TNN: variants seen among roughly 807,000 people sequenced by gnomAD.
TNN encodes tenascin N.
A neutral mutation model predicts 134.4 loss-of-function variants in TNN; 122 were observed. The observed-to-expected ratio is 0.91, with a 90% confidence interval of 0.78 to 1.06. The LOEUF (loss-of-function observed/expected upper bound fraction) is 1.06, where lower values mean the gene tolerates loss of function less well. TNN is among the 50% of genes least tolerant of loss of function. TNN has a pLI of 0.00. For synonymous variants in TNN, 710 were observed against 670.3 expected (o/e 1.06, Z -0.91); for missense variants, 1,739 against 1,699.4 (o/e 1.02, Z -0.41).
At chr1:175,091,565 T>TA (rs1558353506) in intron 6 of TNN, among the ~76,000 whole-genome samples, 10 of 142,546 alleles carry the variant, frequency 7.0e-5, no homozygotes, top group African/African-American at 1.0e-4. Flanking sequence ...TTATTTTTAT[T>TA]TATTTATTTA....
At position 175,147,935 on chromosome 1, in the gene TNN, C is replaced by T. The variant is rs542118078; in HGVS notation, c.*864C>T. ...AGCACCGTGAGTCTTACTGTTTGAT[C>T]GGACAGTTAGCAAGATCAGATCCTT... On this transcript the variant is annotated 3_prime_UTR_variant, in exon 19 of 19. Transcript: ENST00000239462. 2.6e-5 allele frequency: 4 copies of T among 152,242 alleles called. No homozygotes were observed. Among genetic ancestry groups the T allele is most frequent in the South Asian group, 2.1e-4 (1 of 4,822 alleles). The allele number at this position is 152,242 out of a possible 1,614,324, so 9.4% of individuals were successfully genotyped here. A position where few individuals can be genotyped will look rare whatever the true frequency, so the allele number is the denominator to read the frequency against.
At chr1:175,085,269 C>A (rs776823573) in intron 5 of TNN, 136 bp from the exon 6 acceptor site, 4 of 637,154 alleles carry the variant, frequency 6.3e-6, no homozygotes, top group Non-Finnish European at 1.1e-5. Context: ...TATTTGCCTG[C>A]AAATACAGAT....
chr1:175,107,877 G>A (rs1333487295), intron 9 of TNN, among the ~76,000 whole-genome samples: 1 of 138,868 alleles, frequency 7.2e-6, no homozygotes, highest in Non-Finnish European at 1.5e-5. Context: ...ACAGAGTGTC[G>A]ATTGGTGCAC....
At chr1:175,098,689 A>T in intron 9 of TNN, 94 bp downstream of exon 9, 2 of 1,561,406 alleles carry the variant, frequency 1.3e-6, no homozygotes, top group Non-Finnish European at 1.7e-6. Flanking sequence ...GGGGGACTTT[A>T]TGGAAGAGCA....
intron 6 of TNN, among the ~76,000 whole-genome samples, chr1:175,093,472 A>C (rs1674498746): frequency 6.6e-6 from 1 of 152,218 alleles, no homozygotes; most frequent in South Asian, 2.1e-4. Flanking sequence ...TGTTCAGTGA[A>C]GTGCTGTTGA....
At position 175,080,281 on chromosome 1, in the gene TNN, G is replaced by C. The variant is rs2149427367; in HGVS notation, c.903G>C (p.Glu301Asp). 1 of 1,614,130 alleles carries C rather than the reference G, an allele frequency of 6.2e-7. No individual in the cohort carries two copies. Among genetic ancestry groups the C allele is most frequent in the Admixed American group, 1.7e-5 (1 of 60,022 alleles). ...TCAGCTACTACCCCCTGGGGAAGGA[G>C]CTCTCTGGGAAGCAGATCCAAGTGC... Reference protein sequence around the residue: ...YLLSYYPLGKELSGKQIQVPK... With the variant: ...YLLSYYPLGKDLSGKQIQVPK... Residue 301 changes from glutamate to aspartate, a missense_variant, in exon 4 of 19, where the codon GAG (glutamate) becomes GAC (aspartate). Glu to Asp is a conservative substitution (Grantham distance 45). Transcript: ENST00000239462.
intron 11 of TNN, among the ~76,000 whole-genome samples, chr1:175,119,307 G>A (rs1298750949): frequency 6.6e-6 from 1 of 152,210 alleles, no homozygotes. Context: ...CATTGCCTTG[G>A]CATTTGTAAA....
At chr1:175,088,857 G>A (rs1374523272) in intron 6 of TNN, among the ~76,000 whole-genome samples, 2 of 152,162 alleles carry the variant, frequency 1.3e-5, no homozygotes, top group East Asian at 3.9e-4. Flanking sequence ...ATCCTTCCAG[G>A]CTGTGCTCAA....
At chr1:175,115,188 C>G (rs976807883) in intron 9 of TNN, among the ~76,000 whole-genome samples, 8 of 152,136 alleles carry the variant, frequency 5.3e-5, no homozygotes, top group African/African-American at 1.9e-4. Flanking sequence ...AGCTGCTCAG[C>G]TTGGTTGAGG....
At chr1:175,100,309 G>C (rs1036620101) in intron 9 of TNN, among the ~76,000 whole-genome samples, 1 of 152,208 alleles carries the variant, frequency 6.6e-6, no homozygotes, top group African/African-American at 2.4e-5. Flanking sequence ...ACAACCAAAA[G>C]TGTCTCCAGA....
chr1:175,109,099 T>TTTTTTTTTTG (rs1674950228), intron 9 of TNN, among the ~76,000 whole-genome samples: 1 of 117,768 alleles, frequency 8.5e-6, no homozygotes, highest in African/African-American at 3.6e-5. Flanking sequence ...TTTTTTTTTT[T>TTTTTTTTTTG]GAGACGGAGT....
chr1:175,143,110 A>G (rs1574182789), intron 17 of TNN, among the ~76,000 whole-genome samples: 1 of 152,236 alleles, frequency 6.6e-6, no homozygotes, highest in East Asian at 1.9e-4. Flanking sequence ...TTTGAGTCCC[A>G]GCTCTGCTGT....
chr1:175,119,638 CTTTTTTTTT>C (rs869293406), intron 11 of TNN, among the ~76,000 whole-genome samples: 1 of 131,572 alleles, frequency 7.6e-6, no homozygotes, highest in Non-Finnish European at 1.6e-5. Context: ...CCTTTTTTTT[CTTTTTTTTT>C]TTTTTTTGAG....
At chr1:175,068,113 A>G (rs1673837218) in intron 1 of TNN, among the ~76,000 whole-genome samples, 178 bp downstream of exon 1, 1 of 152,130 alleles carries the variant, frequency 6.6e-6, no homozygotes, top group South Asian at 2.1e-4. Context: ...ACCTCTCAGG[A>G]CCCGTGTACT....
At chr1:175,075,347 G>C (rs989918212) in intron 1 of TNN, among the ~76,000 whole-genome samples, 1 of 152,128 alleles carries the variant, frequency 6.6e-6, no homozygotes, top group Non-Finnish European at 1.5e-5. Context: ...GCCCAGGCTG[G>C]AGTGCAGTGG....
intron 9 of TNN, among the ~76,000 whole-genome samples, chr1:175,105,218 A>G (rs1402134444): frequency 3.4e-5 from 5 of 146,052 alleles, no homozygotes; most frequent in African/African-American, 7.4e-5. Flanking sequence ...TAGGACATCT[A>G]TGTACCTATC....
intron 16 of TNN, 150 bp from the exon 17 acceptor site, chr1:175,136,671 C>T: frequency 2.8e-6 from 2 of 702,868 alleles, no homozygotes. Context: ...TATGAGCCCC[C>T]AAAAGAGAAA....
At chr1:175,075,967 G>A (rs1341771344) in intron 1 of TNN, among the ~76,000 whole-genome samples, 1 of 152,162 alleles carries the variant, frequency 6.6e-6, no homozygotes, top group Non-Finnish European at 1.5e-5. Flanking sequence ...GCAGGTCTTG[G>A]GTTAGTTACA....
At position 175,147,239 on chromosome 1, in the gene TNN, C is replaced by G; in HGVS notation, c.*168C>G. On this transcript the variant is annotated 3_prime_UTR_variant, in exon 19 of 19. Transcript: ENST00000239462. ...CTTCCCTCTCACCTGCATTTTTGCC[C>G]GTCTTTATGAGGGTCTTGAAAATCA... 1 of 609,686 alleles carries G rather than the reference C, an allele frequency of 1.6e-6. No homozygotes were observed. The highest frequency in any genetic ancestry group is 2.5e-6 in the Non-Finnish European group (1 of 396,386). 37.8% of individuals were successfully genotyped at this position (609,686 alleles called of 1,614,324 possible). A position where few individuals can be genotyped will look rare whatever the true frequency, so the allele number is the denominator to read the frequency against.
Sources: allele counts gnomAD v4.1 joint callset (sites outside exome capture counted in the v4.1 genomes callset), GRCh38; gene constraint gnomAD v4.1.1; transcripts MANE v1.5; gene names NCBI Gene and HGNC (gene_info 2026-07-23, HGNC 2026-07-21).